PRAG1: variants seen among roughly 807,000 people sequenced by gnomAD.
PRAG1 encodes PEAK1 related, kinase-activating pseudokinase 1, also known as inactive tyrosine-protein kinase PRAG1.
Under a neutral mutation model 95.6 loss-of-function variants are expected in PRAG1, and 110 were observed. The ratio of observed to expected loss-of-function variants is 1.15; its 90% confidence interval spans 0.99 to 1.35. The LOEUF is 1.35. PRAG1 is among the 40% of genes most tolerant of loss of function. The pLI is 0.00. For synonymous variants in PRAG1, 1,052 were observed against 819.4 expected (o/e 1.28, Z -4.85); for missense variants, 2,554 against 1,864.7 (o/e 1.37, Z -6.81).
intron 3 of PRAG1, among the ~76,000 whole-genome samples, chr8:8,372,735 C>T (rs1402659679): frequency 6.6e-6 from 1 of 152,170 alleles, no homozygotes; most frequent in Non-Finnish European, 1.5e-5. Context: ...TAAGCTACTG[C>T]CAAACATTCA....
chr8:8,317,988 A>C lies in PRAG1; in HGVS notation c.*166T>G, dbSNP rs1489469183. On this transcript the variant is annotated 3_prime_UTR_variant, in exon 6 of 6. Transcript: ENST00000615670. ...CGGGCAACAGCATCCTTAGTCTTTC[A>C]TATTTATATATGGTATATGTATTTT... 6.3e-6 allele frequency: 3 copies of C among 475,934 alleles called. No homozygotes were observed. The highest frequency in any genetic ancestry group is 9.9e-6 in the Non-Finnish European group (3 of 302,580). 29.5% of individuals were successfully genotyped at this position (475,934 alleles called of 1,614,324 possible). A position where few individuals can be genotyped will look rare whatever the true frequency, so the allele number is the denominator to read the frequency against.
chr8:8,324,316 AT>A (rs1798564506), intron 5 of PRAG1, among the ~76,000 whole-genome samples: 1 of 152,212 alleles, frequency 6.6e-6, no homozygotes, highest in African/African-American at 2.4e-5. Flanking sequence ...GGCTGCTGAC[AT>A]TTTGCACAGA....
rs759186766 is a variant in PRAG1 at position 8,318,456 on chromosome 8, G to T, written c.3919C>A (p.Leu1307Ile). 2 of 1,612,378 alleles carry T rather than the reference G, an allele frequency of 1.2e-6. No individual in the cohort carries two copies. The highest frequency in any genetic ancestry group is 1.7e-6 in the Non-Finnish European group (2 of 1,179,802). The change falls in exon 6 of 6, where the codon CTA (leucine) becomes ATA (isoleucine). Residue 1307 changes from leucine (L) to isoleucine (I), a missense_variant. Coordinates refer to ENST00000615670, the MANE Select transcript of PRAG1 (RefSeq NM_001080826.3). This position sits in a 1 kb window ranked among gnomAD's most constrained non-coding sequence, Gnocchi z 4.2. ...SPGLQQLAHL[L>I]LEADPIKRIR... ...CGCTTGATGGGGTCGGCCTCCAGTA[G>T]CAGATGTGCCAGCTGCTGCAGGCCG...
Position 8,376,918 on chromosome 8 carries a change from C to T in PRAG1, c.1491G>A (p.Val497=). 1.2e-6 allele frequency: 2 copies of T among 1,613,430 alleles called. No individual in the cohort carries two copies. The highest frequency in any genetic ancestry group is 1.7e-6 in the Non-Finnish European group (2 of 1,180,020). The change falls in exon 3 of 6, where the codon GTG becomes GTA. Residue 497 remains valine, a synonymous_variant. Coordinates refer to ENST00000615670, the MANE Select transcript of PRAG1 (RefSeq NM_001080826.3). ...TIYLSSPDSA[V]GVQWPRGPVS... ...CAGGCCCTCGTGGCCACTGCACCCC[C>T]ACTGCAGAGTCAGGGCTGCTCAGGT...
chr8:8,338,459 T>A (rs1799061245), intron 4 of PRAG1, among the ~76,000 whole-genome samples: 1 of 152,232 alleles, frequency 6.6e-6, no homozygotes, highest in Non-Finnish European at 1.5e-5. Context: ...TGGAATAATC[T>A]GCCTTGTTGA....
intron 3 of PRAG1, among the ~76,000 whole-genome samples, 163 bp downstream of exon 3, chr8:8,376,084 T>A (rs1800376077): frequency 6.6e-6 from 1 of 152,020 alleles, no homozygotes; most frequent in Non-Finnish European, 1.5e-5. Flanking sequence ...CAACTCCTGC[T>A]CTCCGAGGGC....
At chr8:8,348,857 T>C (rs1483705808) in intron 3 of PRAG1, among the ~76,000 whole-genome samples, 1 of 152,220 alleles carries the variant, frequency 6.6e-6, no homozygotes, top group East Asian at 1.9e-4. Context: ...AAATTATAAA[T>C]GGTTTGAGGA....
chr8:8,364,235 T>G (rs988413921), intron 3 of PRAG1, among the ~76,000 whole-genome samples: 1 of 152,258 alleles, frequency 6.6e-6, no homozygotes, highest in African/African-American at 2.4e-5. Flanking sequence ...CATAATGTGC[T>G]ATTTTACTGT....
intron 3 of PRAG1, among the ~76,000 whole-genome samples, chr8:8,351,405 C>G (rs936068663): frequency 1.3e-5 from 2 of 152,196 alleles, no homozygotes; most frequent in African/African-American, 2.4e-5. Context: ...GGTGGGGACA[C>G]AGATCCAAAC....
chr8:8,341,734 T>A (rs1485748741), intron 3 of PRAG1, among the ~76,000 whole-genome samples: 1 of 152,258 alleles, frequency 6.6e-6, no homozygotes, highest in Non-Finnish European at 1.5e-5. Flanking sequence ...GTTTTACTCA[T>A]ATTTAGTTTA....
intron 3 of PRAG1, among the ~76,000 whole-genome samples, chr8:8,343,771 G>C (rs1218811226): frequency 6.6e-6 from 1 of 152,140 alleles, no homozygotes; most frequent in African/African-American, 2.4e-5. Context: ...TTAGTGGCAT[G>C]TTTTCTAATA....
intron 3 of PRAG1, among the ~76,000 whole-genome samples, chr8:8,339,890 C>T (rs569243418): frequency 1.8e-4 from 27 of 152,316 alleles, no homozygotes; most frequent in African/African-American, 6.5e-4. Context: ...AAAATTCTTA[C>T]ATGGAAGGAA....
intron 4 of PRAG1, among the ~76,000 whole-genome samples, chr8:8,339,262 C>A (rs776427013): frequency 6.6e-6 from 1 of 152,228 alleles, no homozygotes; most frequent in Admixed American, 6.5e-5. Flanking sequence ...CACGTCCACA[C>A]TCTTATAATT....
chr8:8,376,577 C>T lies in PRAG1; in HGVS notation c.1832G>A (p.Arg611Lys), dbSNP rs558954800. Residue 611 changes from arginine (R) to lysine (K), a missense_variant, in exon 3 of 6, where the codon AGG becomes AAG. Arg to Lys is a conservative substitution (Grantham distance 26). Coordinates refer to ENST00000615670, the MANE Select transcript of PRAG1 (RefSeq NM_001080826.3). ...TGACGAGGCGGCAGGCTGGGGACACCTGGATGGGTCACTGATAGCGACACC... is the reference window on the plus strand; with the variant it reads ...TGACGAGGCGGCAGGCTGGGGACACTTGGATGGGTCACTGATAGCGACACC... ...TNGVAISDPS[R>K]CPQPAASSAS... 44 of 1,607,012 alleles carry T rather than the reference C, an allele frequency of 2.7e-5. No individual in the cohort carries two copies. Among genetic ancestry groups the T allele is most frequent in the Non-Finnish European group, 3.7e-5 (44 of 1,175,654 alleles).
At chr8:8,370,053 TAAAG>T (rs1258914237) in intron 3 of PRAG1, among the ~76,000 whole-genome samples, 2 of 152,230 alleles carry the variant, frequency 1.3e-5, no homozygotes, top group African/African-American at 2.4e-5. Context: ...TCTGATAAAT[TAAAG>T]AAAGAATCTC....
intron 4 of PRAG1, among the ~76,000 whole-genome samples, chr8:8,332,591 G>A (rs1362768530): frequency 6.6e-6 from 1 of 152,066 alleles, no homozygotes; most frequent in Non-Finnish European, 1.5e-5. Flanking sequence ...ATTACAGCTG[G>A]TGAGAGGTCA....
intron 3 of PRAG1, among the ~76,000 whole-genome samples, chr8:8,349,879 GA>G (rs1799463023): frequency 6.6e-6 from 1 of 151,120 alleles, no homozygotes; most frequent in African/African-American, 2.4e-5. Context: ...ATATTCAGTA[GA>G]AACCATTTAA....
At chr8:8,364,555 G>C (rs28482313) in intron 3 of PRAG1, among the ~76,000 whole-genome samples, 3,355 of 152,192 alleles carry the variant, frequency 0.022, 104 homozygotes, top group African/African-American at 0.071. Context: ...AAAATGCTGT[G>C]AATGTTTTTA....
intron 5 of PRAG1, among the ~76,000 whole-genome samples, chr8:8,326,927 A>G (rs1798651841): frequency 6.6e-6 from 1 of 152,170 alleles, no homozygotes; most frequent in Non-Finnish European, 1.5e-5. Context: ...TGCTCACACA[A>G]ATGATATTAT....
Sources: gnomAD v4.1 joint callset for allele counts (sites outside exome capture counted in the v4.1 genomes callset) on GRCh38, gnomAD v4.1.1 for gene constraint, Gnocchi (gnomAD v3.1) non-coding constraint, MANE v1.5 for transcripts, NCBI Gene and HGNC (gene_info 2026-07-23, HGNC 2026-07-21) for gene names.